WDFY3: variants seen among roughly 807,000 people sequenced by gnomAD.
WDFY3 encodes the protein WD repeat and FYVE domain containing 3, also known as WD repeat and FYVE domain-containing protein 3.
A neutral mutation model predicts 409.6 loss-of-function variants in WDFY3; 66 were observed. That is an observed-to-expected ratio of 0.16 (90% CI 0.13 to 0.20). The LOEUF (loss-of-function observed/expected upper bound fraction) is 0.20, where lower values mean the gene tolerates loss of function less well. Ranked by LOEUF, WDFY3 falls within the 10% of genes least tolerant of loss-of-function variation. The pLI is 1.00. For synonymous variants in WDFY3, 1,521 were observed against 1,537.1 expected, an observed-to-expected ratio of 0.99 and a Z score of 0.25; for missense variants, 3,031 against 4,298.1, an observed-to-expected ratio of 0.71 and a Z score of 8.24.
At position 84,669,765 on chromosome 4, in the gene WDFY3, A is replaced by G. The variant is rs1725192321; in HGVS notation, c.*3103T>C. 6.7e-6 allele frequency: 1 copy of G among 149,610 alleles called. No homozygotes were observed. The allele number at this position is 149,610 out of a possible 1,614,324, so 9.3% of individuals were successfully genotyped here. ...AAACAGATATTGGTTTCTGCAATAT[A>G]GTATAAAAGTCCACAATCAATCCAG... is the stretch of plus-strand genomic sequence containing the variant. On this transcript the variant is annotated 3_prime_UTR_variant, in exon 68 of 68. Coordinates refer to ENST00000295888, the MANE Select transcript of WDFY3 (RefSeq NM_014991.6).
intron 1 of WDFY3, among the ~76,000 whole-genome samples, chr4:84,954,364 T>C (rs1420125465): frequency 6.6e-6 from 1 of 152,188 alleles, no homozygotes; most frequent in Non-Finnish European, 1.5e-5. Context: ...TTCATACTTA[T>C]TTACTCAACT....
chr4:84,748,224 G>A (rs879567480), intron 36 of WDFY3, among the ~76,000 whole-genome samples: 8 of 152,166 alleles, frequency 5.3e-5, no homozygotes, highest in South Asian at 2.1e-4. Flanking sequence ...CACAGGCCAC[G>A]TAGTCAATTT....
At chr4:84,724,797 AAAC>A (rs1173155597) in intron 45 of WDFY3, among the ~76,000 whole-genome samples, 3 of 152,192 alleles carry the variant, frequency 2.0e-5, no homozygotes, top group African/African-American at 2.4e-5. Context: ...GACATACATA[AAAC>A]AACAATATTA....
intron 32 of WDFY3, among the ~76,000 whole-genome samples, chr4:84,762,035 C>A (rs1186716135): frequency 6.6e-6 from 1 of 152,138 alleles, no homozygotes; most frequent in Non-Finnish European, 1.5e-5. Flanking sequence ...CTAGTTCAAC[C>A]ATTGTGGAAG....
chr4:84,696,738 A>G lies in WDFY3; in HGVS notation c.8682T>C (p.His2894=). Residue 2894 remains histidine (H), a synonymous_variant, in exon 57 of 68, where the codon CAT becomes CAC. Coordinates refer to ENST00000295888, the MANE Select transcript of WDFY3 (RefSeq NM_014991.6). ...TAAAATGTACTTCCATTACCTCACG[A>G]TGGACTCTGATGAATTCTCGTGGGT... The part of the protein sequence containing the change: ...KGDPREFIRV[H]REALECDYVS... The G allele has an allele frequency of 6.2e-7, 1 of 1,613,722 alleles. No individual in the cohort carries two copies. The highest frequency in any genetic ancestry group is 8.5e-7 in the Non-Finnish European group (1 of 1,179,804).
chr4:84,878,870 A>G (rs1041676783), intron 3 of WDFY3, among the ~76,000 whole-genome samples: 7 of 152,164 alleles, frequency 4.6e-5, no homozygotes, highest in African/African-American at 1.7e-4. Flanking sequence ...AAAAGGCTGC[A>G]CTGCACACTC....
Position 84,753,745 on chromosome 4 carries a change from T to G in WDFY3, c.5691A>C (p.Ala1897=). Residue 1897 remains alanine, a synonymous_variant, in exon 35 of 68, where the codon GCA becomes GCC. Transcript: ENST00000295888. ...TGAAGGGGAAGACGGTGGCTGCTAA[T>G]GCACACAGGAAGTCAGGGCTCATCC... is the stretch of plus-strand genomic sequence containing the variant. ...SMWMSPDFLC[A]LAATVFPFNI... 1 of 1,608,142 alleles carries G rather than the reference T, an allele frequency of 6.2e-7. No individual in the cohort carries two copies.
chr4:84,885,614 G>A (rs1169878067), intron 3 of WDFY3, among the ~76,000 whole-genome samples: 5 of 151,974 alleles, frequency 3.3e-5, no homozygotes, highest in East Asian at 1.9e-4. Context: ...GAAAAAAGGC[G>A]AAAAATATGA....
chr4:84,907,671 G>A (rs747198840), intron 2 of WDFY3, among the ~76,000 whole-genome samples: 1 of 152,096 alleles, frequency 6.6e-6, no homozygotes, highest in Non-Finnish European at 1.5e-5. Flanking sequence ...TTTCTTAAGC[G>A]ACTTAACTTG....
At chr4:84,862,675 C>T (rs1578866350) in intron 3 of WDFY3, among the ~76,000 whole-genome samples, 2 of 152,146 alleles carry the variant, frequency 1.3e-5, no homozygotes, top group South Asian at 4.1e-4. Context: ...ATTCATGATA[C>T]TCCAACACTT....
At chr4:84,876,818 T>C (rs1202407112) in intron 3 of WDFY3, among the ~76,000 whole-genome samples, 2 of 152,042 alleles carry the variant, frequency 1.3e-5, no homozygotes, top group Non-Finnish European at 2.9e-5. Context: ...CATGAAAAAA[T>C]GTTTAAGCTT....
chr4:84,713,120 C>G, intron 51 of WDFY3, 39 bp downstream of exon 51: 7 of 1,593,660 alleles, frequency 4.4e-6, no homozygotes, highest in Non-Finnish European at 6.0e-6. Flanking sequence ...ATCCCAACTT[C>G]ACTATTAAAC....
chr4:84,839,761 G>A (rs926133190), intron 6 of WDFY3, among the ~76,000 whole-genome samples: 4 of 152,012 alleles, frequency 2.6e-5, no homozygotes, highest in Admixed American at 6.5e-5. Flanking sequence ...GGGAGGCTGA[G>A]GCAAGAGAAT....
chr4:84,745,249 T>G (rs142871230), intron 36 of WDFY3, among the ~76,000 whole-genome samples: 1 of 152,306 alleles, frequency 6.6e-6, no homozygotes, highest in African/African-American at 2.4e-5. Flanking sequence ...AGCCAGGTTT[T>G]TGATAGGAGT....
chr4:84,914,955 T>C (rs907562165), intron 2 of WDFY3, among the ~76,000 whole-genome samples: 5 of 152,082 alleles, frequency 3.3e-5, no homozygotes, highest in African/African-American at 1.2e-4. Context: ...AAAAAATAAA[T>C]AGAATGTGGT....
At chr4:84,961,708 A>G (rs1219706647) in intron 1 of WDFY3, among the ~76,000 whole-genome samples, 2 of 152,220 alleles carry the variant, frequency 1.3e-5, no homozygotes, top group African/African-American at 4.8e-5. Context: ...GAGTCTAAAC[A>G]CTACTGAAAA....
chr4:84,838,300 T>C (rs1756875127), intron 6 of WDFY3, among the ~76,000 whole-genome samples: 1 of 152,200 alleles, frequency 6.6e-6, no homozygotes, highest in South Asian at 2.1e-4. Flanking sequence ...GATCCTTATT[T>C]CACAAATGAA....
At chr4:84,830,268 A>C (rs1392197906) in intron 8 of WDFY3, among the ~76,000 whole-genome samples, 2 of 152,230 alleles carry the variant, frequency 1.3e-5, no homozygotes, top group Non-Finnish European at 2.9e-5. Flanking sequence ...TGTGAAAGCA[A>C]CATGTATTCA....
intron 1 of WDFY3, among the ~76,000 whole-genome samples, chr4:84,960,408 T>C (rs901269349): frequency 2.0e-5 from 3 of 152,126 alleles, no homozygotes; most frequent in African/African-American, 7.2e-5. Context: ...TATTCAACAG[T>C]CTCTTCCACT....
Sources: gnomAD v4.1 joint callset for allele counts (sites outside exome capture counted in the v4.1 genomes callset) on GRCh38, gnomAD v4.1.1 for gene constraint, MANE v1.5 for transcripts, NCBI Gene and HGNC (gene_info 2026-07-23, HGNC 2026-07-21) for gene names.